BANP: variants seen among roughly 807,000 people sequenced by gnomAD.
BANP encodes the protein BTG3 associated nuclear protein.
BANP carries 11 observed loss-of-function variants against 68.1 expected under a neutral mutation model. The ratio of observed to expected loss-of-function variants is 0.16; its 90% CI spans 0.10 to 0.27. The LOEUF (loss-of-function observed/expected upper bound fraction) is 0.27, where lower values mean the gene tolerates loss of function less well. Among genes scored for constraint, BANP ranks in the 10% least tolerant of loss-of-function variants. The pLI is 1.00. For synonymous variants in BANP, 329 were observed against 303.2 expected, an observed-to-expected ratio of 1.09 and a Z score of -0.88; for missense variants, 504 against 722.7, an observed-to-expected ratio of 0.70 and a Z score of 3.47.
At chr16:88,076,477 T>G in intron 13 of BANP, 113 bp from the exon 14 acceptor site, 1 of 888,668 alleles carries the variant, frequency 1.1e-6, no homozygotes, top group South Asian at 1.7e-5. Flanking sequence ...TCCTTCGCGC[T>G]CCTGTGTGCG....
intron 7 of BANP, among the ~76,000 whole-genome samples, chr16:88,024,776 A>G (rs1038615459): frequency 1.1e-4 from 17 of 152,324 alleles, no homozygotes; most frequent in Middle Eastern, 3.4e-3. Flanking sequence ...GGAATTAGAT[A>G]ATTTGATGTC....
upstream of BANP, among the ~76,000 whole-genome samples, chr16:87,951,091 C>T (rs1412226308): frequency 6.6e-6 from 1 of 152,228 alleles, no homozygotes; most frequent in South Asian, 2.1e-4. Context: ...TGCATGGCTC[C>T]CAGCTTGCGC....
In BANP at chr16:88,016,593, G is replaced by C. The variant is rs1298667785; in HGVS notation, c.656-1835G>C. Reference sequence around the variant, plus strand: ...TAGACCCAGCGCCAGGCCCTTGGGTGTCCCGTAAGGATTCGTAGATACATT... The same window carrying C: ...TAGACCCAGCGCCAGGCCCTTGGGTCTCCCGTAAGGATTCGTAGATACATT... On this transcript the variant is annotated intron_variant, in intron 6 of 13. Transcript: ENST00000682872. Among the ~76,000 whole-genome samples the C allele has an allele frequency of 2.0e-5, 3 of 152,238 alleles. No homozygotes were observed. In the East Asian group the frequency reaches 5.8e-4, roughly 29 times the overall value.
intron 13 of BANP, among the ~76,000 whole-genome samples, chr16:88,073,551 G>T: frequency 1.1e-5 from 1 of 92,734 alleles, no homozygotes; most frequent in African/African-American, 3.3e-5. Context: ...AGGCAGTGAG[G>T]AGCGGGTGGG....
chr16:88,031,518 G>A (rs2078162900), intron 8 of BANP, among the ~76,000 whole-genome samples: 1 of 151,792 alleles, frequency 6.6e-6, no homozygotes. Flanking sequence ...GCATGATGGT[G>A]GGTGCCTGTA....
At chr16:88,032,360 CCTGT>C (rs1443769912) in intron 8 of BANP, among the ~76,000 whole-genome samples, 1 of 152,056 alleles carries the variant, frequency 6.6e-6, no homozygotes, top group African/African-American at 2.4e-5. Context: ...CACCACCACG[CCTGT>C]CTAATTTTTG....
At chr16:88,033,072 T>A in intron 8 of BANP, 37 bp from the exon 9 acceptor site, 1 of 1,554,066 alleles carries the variant, frequency 6.4e-7, no homozygotes, top group East Asian at 2.3e-5. Context: ...CCTAAGAAAC[T>A]TCTCGTTCAC....
chr16:88,068,243 G>T (rs1287013660), intron 12 of BANP, among the ~76,000 whole-genome samples: 5 of 152,242 alleles, frequency 3.3e-5, no homozygotes, highest in Non-Finnish European at 5.9e-5. Flanking sequence ...GTGCTCCTCT[G>T]CTGCTCGCCC....
intron 4 of BANP, among the ~76,000 whole-genome samples, chr16:87,988,643 A>G (rs2065080011): frequency 6.6e-6 from 1 of 152,178 alleles, no homozygotes; most frequent in Non-Finnish European, 1.5e-5. Context: ...TGCTGTTAAA[A>G]TAGCCCGGGG....
At chr16:88,006,044 T>C in intron 5 of BANP, 46 bp from the exon 6 acceptor site, 2 of 1,612,362 alleles carry the variant, frequency 1.2e-6, no homozygotes, top group Non-Finnish European at 1.7e-6. Context: ...GCGTGCTGCT[T>C]GCGGCTCTTA....
chr16:87,980,449 C>G (rs1403222184), intron 2 of BANP: 1 of 152,804 alleles, frequency 6.5e-6, no homozygotes, highest in Admixed American at 6.5e-5. Flanking sequence ...AGTTGCTTAT[C>G]CTGCGGGAAG....
intron 1 of BANP, among the ~76,000 whole-genome samples, chr16:87,954,966 G>A (rs72631405): frequency 0.24 from 37,146 of 152,164 alleles, 5,049 homozygotes; most frequent in East Asian, 0.48. Context: ...TTCCACAGCC[G>A]CCTCTGAATT....
chr16:88,050,582 T>C (rs1197219095), intron 11 of BANP, among the ~76,000 whole-genome samples: 1 of 152,230 alleles, frequency 6.6e-6, no homozygotes, highest in Non-Finnish European at 1.5e-5. Context: ...CATCCAGACC[T>C]GGCGGAATTA....
At chr16:88,059,082 C>G in intron 11 of BANP, among the ~76,000 whole-genome samples, 1 of 136,470 alleles carries the variant, frequency 7.3e-6, no homozygotes, top group Non-Finnish European at 1.5e-5. Flanking sequence ...TGCTGGTGTG[C>G]TGAGGTCCGT....
At chr16:88,008,929 GTT>G in intron 6 of BANP, among the ~76,000 whole-genome samples, 1 of 152,204 alleles carries the variant, frequency 6.6e-6, no homozygotes, top group Non-Finnish European at 1.5e-5. Flanking sequence ...TAATAAATCT[GTT>G]TCACTGACTG....
chr16:88,033,221 C>G lies in BANP; in HGVS notation c.1176C>G (p.Ile392Met). Reference protein sequence around the residue: ...ANAQQVQIHQIGEDGQVQVIP... With the variant: ...ANAQQVQIHQMGEDGQVQVIP... The stretch of plus-strand genomic sequence containing the variant: ...CACAGCAGGTGCAGATCCACCAGAT[C>G]GGAGAAGACGGACAGGTGCAAGTAG... Residue 392 changes from isoleucine to methionine, a missense_variant, in exon 9 of 14, where the codon ATC (isoleucine) becomes ATG (methionine). Around this residue, in one of 3 missense-constraint regions of BANP, gnomAD observed 223 missense variants for 246.2 expected, o/e 0.91. Transcript: ENST00000682872. 2 of 1,606,298 alleles carry G rather than the reference C, an allele frequency of 1.2e-6. No homozygotes were observed. Among genetic ancestry groups the G allele is most frequent in the African/African-American group, 1.3e-5 (1 of 74,976 alleles).
At chr16:88,027,890 G>GTT (rs1189035139) in intron 8 of BANP, among the ~76,000 whole-genome samples, 1 of 152,272 alleles carries the variant, frequency 6.6e-6, no homozygotes, top group East Asian at 1.9e-4. Context: ...CAGAGGGCCT[G>GTT]TTGGGCCTCC....
At chr16:88,052,119 G>A (rs1035748113) in intron 11 of BANP, among the ~76,000 whole-genome samples, 1 of 152,174 alleles carries the variant, frequency 6.6e-6, no homozygotes, top group African/African-American at 2.4e-5. Flanking sequence ...AGATGCTGGT[G>A]TATTTGTTGT....
At chr16:88,070,312 C>A (rs2089984245) in intron 12 of BANP, among the ~76,000 whole-genome samples, 1 of 152,086 alleles carries the variant, frequency 6.6e-6, no homozygotes, top group African/African-American at 2.4e-5. Flanking sequence ...TGAATTAATC[C>A]CTGGGACCAT....
Sources: gnomAD v4.1 joint callset for allele counts (sites outside exome capture counted in the v4.1 genomes callset) on GRCh38, gnomAD v4.1.1 for gene constraint, gnomAD v4.1.1 regional missense constraint, MANE v1.5 for transcripts, NCBI Gene and HGNC (gene_info 2026-07-23, HGNC 2026-07-21) for gene names.